Variants in INTS6 observed in about 807,000 individuals in gnomAD.
INTS6 encodes the protein DEAD box protein.
Under a neutral mutation model 104.9 loss-of-function variants are expected in INTS6, and 16 were observed. The observed-to-expected ratio is 0.15, with a 90% CI of 0.10 to 0.23. The LOEUF is 0.23. Among genes scored for constraint, INTS6 ranks in the 10% least tolerant of loss-of-function variants. INTS6 has a pLI of 1.00. For missense variants in INTS6, 584 were observed against 1,062.8 expected, an observed-to-expected ratio of 0.55 and a Z score of 6.26; for synonymous variants, 324 against 358.7, an observed-to-expected ratio of 0.90 and a Z score of 1.09.
At chr13:51,369,896 T>C (rs111643213) in intron 15 of INTS6, among the ~76,000 whole-genome samples, 1,729 of 152,284 alleles carry the variant, frequency 0.011, 26 homozygotes, top group East Asian at 0.071. Context: ...CACTTCAGCT[T>C]ATTAGACTAC....
intron 4 of INTS6, among the ~76,000 whole-genome samples, chr13:51,417,256 G>T (rs1021065867): frequency 5.9e-5 from 9 of 152,122 alleles, no homozygotes; most frequent in Middle Eastern, 6.8e-3. Flanking sequence ...TGTGCTTCTG[G>T]TGTCATGTCT....
intron 4 of INTS6, chr13:51,402,554 T>C (rs1046462174): frequency 3.9e-5 from 6 of 152,358 alleles, no homozygotes; most frequent in African/African-American, 1.4e-4. Context: ...AGTTTATTTT[T>C]TGCTTGAATA....
chr13:51,348,672 T>A, the INTS6 span: 1 of 248,944 alleles, frequency 4.0e-6, no homozygotes, highest in Non-Finnish European at 6.4e-6. Flanking sequence ...CTGCCTTCAC[T>A]GGGCTGGAAT....
chr13:51,428,807 T>A lies in INTS6; in HGVS notation c.429+1487A>T, dbSNP rs1430913856. Among the ~76,000 whole-genome samples, 3 of 152,182 alleles carry A rather than the reference T, an allele frequency of 2.0e-5. No individual in the cohort carries two copies. The East Asian group carries it at 5.8e-4, about 29-fold the overall frequency. On this transcript the variant is annotated intron_variant, in intron 4 of 17. Transcript: ENST00000311234. The stretch of plus-strand genomic sequence containing the variant: ...GACTATAAATTATTTAATCATGGAT[T>A]ATAATCTACCTAAATTTTTCAGCTC...
intron 5 of INTS6, among the ~76,000 whole-genome samples, chr13:51,391,690 A>T (rs2137953379): frequency 6.6e-6 from 1 of 152,318 alleles, no homozygotes; most frequent in African/African-American, 2.4e-5. Flanking sequence ...TCCACAAAAA[A>T]GTCAAACTAA....
chr13:51,334,844 A>G, the INTS6 span, among the ~76,000 whole-genome samples: 17 of 152,074 alleles, frequency 1.1e-4, no homozygotes, highest in East Asian at 1.9e-3. Flanking sequence ...TTAGCTGGGC[A>G]TGGTGGCAGG....
downstream of INTS6, among the ~76,000 whole-genome samples, chr13:51,358,436 G>A (rs1468117368): frequency 6.6e-6 from 1 of 151,966 alleles, no homozygotes; most frequent in Non-Finnish European, 1.5e-5. Flanking sequence ...AAAGAATAAC[G>A]GTGTCCACCA....
At chr13:51,367,359 T>C (rs1038470292) in intron 17 of INTS6, among the ~76,000 whole-genome samples, 3 of 152,072 alleles carry the variant, frequency 2.0e-5, no homozygotes, top group Admixed American at 2.0e-4. Flanking sequence ...AATGTACTAA[T>C]GATCCTGGGC....
intron 4 of INTS6, chr13:51,423,151 G>A (rs1956925568): frequency 1.4e-6 from 1 of 738,486 alleles, no homozygotes; most frequent in Non-Finnish European, 1.9e-6. Context: ...CTTATACACA[G>A]CCAAAGTAAC....
At chr13:51,402,764 T>C (rs1350413052) in intron 4 of INTS6, 1 of 152,166 alleles carries the variant, frequency 6.6e-6, no homozygotes, top group Non-Finnish European at 1.5e-5. Context: ...CTTCAACTTC[T>C]TACCAAAAGA....
At chr13:51,384,057 GTCT>G (rs1956096359) in intron 7 of INTS6, 1 of 182,404 alleles carries the variant, frequency 5.5e-6, no homozygotes, top group Non-Finnish European at 1.2e-5. Context: ...ACTCTCACAA[GTCT>G]TCATTTGTAG....
At chr13:51,425,292 T>C (rs1472530503) in intron 4 of INTS6, among the ~76,000 whole-genome samples, 2 of 152,056 alleles carry the variant, frequency 1.3e-5, no homozygotes, top group African/African-American at 4.8e-5. Context: ...AGACTACTCA[T>C]TCTCTTTCTA....
At chr13:51,384,345 T>A (rs1048935891) in intron 7 of INTS6, 5 of 223,320 alleles carry the variant, frequency 2.2e-5, no homozygotes, top group Admixed American at 5.4e-5. Context: ...ATACTTTTTT[T>A]AAAAAGGCAT....
intron 3 of INTS6, chr13:51,450,266 T>C (rs1472147652): frequency 1.0e-6 from 1 of 983,268 alleles, no homozygotes; most frequent in African/African-American, 1.7e-5. Context: ...AATAATATCA[T>C]AAAATGTTAC....
chr13:51,438,996 G>C (rs1036833737), intron 3 of INTS6: 4 of 152,092 alleles, frequency 2.6e-5, no homozygotes, highest in Admixed American at 2.6e-4. Context: ...TATTTCCAGT[G>C]TTGAAACCCC....
At chr13:51,419,233 C>T (rs1384118835) in intron 4 of INTS6, among the ~76,000 whole-genome samples, 4 of 152,174 alleles carry the variant, frequency 2.6e-5, no homozygotes, top group South Asian at 2.1e-4. Context: ...GTATAGTCCA[C>T]GCTACTTCTT....
Position 51,425,730 on chromosome 13 carries a change from C to G in INTS6, c.429+4564G>C, listed in dbSNP as rs145541526. Among the ~76,000 whole-genome samples the G allele has an allele frequency of 2.2e-3, 341 of 152,106 alleles. 3 individuals are homozygous for G. The highest frequency in any genetic ancestry group is 7.9e-3 in the African/African-American group (327 of 41,544). On this transcript the variant is annotated intron_variant, in intron 4 of 17. Transcript: ENST00000311234. ...ACTAGAGAGGATTATCTGCAGATAT[C>G]AGAAGAAAATCCTTTTCAATAACTC...
chr13:51,444,944 T>TTA (rs1231442406), intron 3 of INTS6: 3 of 152,078 alleles, frequency 2.0e-5, no homozygotes, highest in Non-Finnish European at 4.4e-5. Context: ...CTCATTTAAA[T>TTA]TATACCACCA....
At chr13:51,369,368 AT>A in intron 15 of INTS6, 58 bp from the exon 16 acceptor site, 1 of 1,492,610 alleles carries the variant, frequency 6.7e-7, no homozygotes, top group South Asian at 1.3e-5. Context: ...CATACAGTAA[AT>A]AAAGCTACAA....
Sources: gnomAD v4.1 joint callset for allele counts (sites outside exome capture counted in the v4.1 genomes callset) on GRCh38, gnomAD v4.1.1 for gene constraint, MANE v1.5 for transcripts, NCBI Gene and HGNC (gene_info 2026-07-23, HGNC 2026-07-21) for gene names.